Variants in NRARP observed in about 807,000 individuals in gnomAD.
NRARP encodes NOTCH regulated ankyrin repeat protein, also known as notch-regulated ankyrin repeat-containing protein.
For synonymous variants in NRARP, 81 were observed against 77.4 expected, an observed-to-expected ratio of 1.05 and a Z score of -0.25; for missense variants, 83 against 161.1, an observed-to-expected ratio of 0.52 and a Z score of 2.62.
rs1252111624 is a variant in NRARP at position 137,301,940 on chromosome 9, G to GCGCGGGC, written c.-19_-13dup. The GCGCGGGC allele has an allele frequency of 4.6e-6, 6 of 1,305,348 alleles. No individual in the cohort carries two copies. The highest frequency in any genetic ancestry group is 4.6e-5 in the African/African-American group (3 of 65,756). 80.9% of individuals were successfully genotyped at this position (1,305,348 alleles called of 1,614,324 possible). Reference sequence around the variant, plus strand: ...TCGGCCTGGCTCATGCTGCCGCCGGGCGCGGGCCGCGGGCCGGGCCGGGGC... The same window carrying GCGCGGGC: ...TCGGCCTGGCTCATGCTGCCGCCGGGCGCGGGCCGCGGGCCGCGGGCCGGGCCGGGGC... On this transcript the variant is annotated 5_prime_UTR_variant, in exon 1 of 1. Coordinates refer to ENST00000356628, the MANE Select transcript of NRARP (RefSeq NM_001004354.3). This position sits in a 1 kb window ranked among gnomAD's most constrained non-coding sequence, Gnocchi z 9.1.
In NRARP at chr9:137,301,579, G is replaced by A. The variant is rs1830955886; in HGVS notation, c.*5C>T. On this transcript the variant is annotated 3_prime_UTR_variant, in exon 1 of 1. Transcript: ENST00000356628. This position sits in a 1 kb window ranked among gnomAD's most constrained non-coding sequence, Gnocchi z 9.1. ...CAGGGCCGGGGTCCGGGGTCCCGGC[G>A]GGCATCACCGGCCGCTGGCCGCGTA... 1.3e-6 allele frequency: 2 copies of A among 1,541,264 alleles called. No individual in the cohort carries two copies. The highest frequency in any genetic ancestry group is 1.8e-6 in the Non-Finnish European group (2 of 1,139,978).
In NRARP at chr9:137,301,788, G is replaced by T; in HGVS notation, c.141C>A (p.Phe47Leu). The T allele has an allele frequency of 6.2e-7, 1 of 1,608,726 alleles. No individual in the cohort carries two copies. Among genetic ancestry groups the T allele is most frequent in the Non-Finnish European group, 8.5e-7 (1 of 1,179,626 alleles). Reference sequence around the variant, plus strand: ...GCAGCGCCGTCTGGCCCTCGGGCCCGAACGAGTTCACGTTGAACTCGCAGT... The same window carrying T: ...GCAGCGCCGTCTGGCCCTCGGGCCCTAACGAGTTCACGTTGAACTCGCAGT... The part of the protein sequence containing the change: ...MTNCEFNVNS[F>L]GPEGQTALHQ... The change falls in exon 1 of 1, where the codon TTC becomes TTA. Residue 47 changes from phenylalanine (F) to leucine (L), a missense_variant. Physicochemically the swap from Phe to Leu is conservative, Grantham distance 22 (BLOSUM62 0). Transcript: ENST00000356628. This position sits in a 1 kb window ranked among gnomAD's most constrained non-coding sequence, Gnocchi z 9.1.
Position 137,299,806 on chromosome 9 carries a change from T to G in NRARP, c.*1778A>C, listed in dbSNP as rs1720138479. Reference sequence around the variant, plus strand: ...GCTTCGATATAAGCCTAGAAAGTCTTAACATTAATTAACATAATTAAAAAG... The same window carrying G: ...GCTTCGATATAAGCCTAGAAAGTCTGAACATTAATTAACATAATTAAAAAG... On this transcript the variant is annotated 3_prime_UTR_variant, in exon 1 of 1. Transcript: ENST00000356628. Among the ~76,000 whole-genome samples, 1 of 152,148 alleles carries G rather than the reference T, an allele frequency of 6.6e-6. No homozygotes were observed. The highest frequency in any genetic ancestry group is 1.5e-5 in the Non-Finnish European group (1 of 68,030).
At position 137,301,908 on chromosome 9, in the gene NRARP, G is replaced by A; in HGVS notation, c.21C>T (p.Ser7=). 1 of 1,541,572 alleles carries A rather than the reference G, an allele frequency of 6.5e-7. No homozygotes were observed. Among genetic ancestry groups the A allele is most frequent in the Non-Finnish European group, 8.7e-7 (1 of 1,145,008 alleles). Residue 7 remains serine (S), a synonymous_variant, in exon 1 of 1, where the codon TCC becomes TCT. Transcript: ENST00000356628. This position sits in a 1 kb window ranked among gnomAD's most constrained non-coding sequence, Gnocchi z 9.1. ...GCTGCGTCTGCGGCGCGGAGCAGGT[G>A]GACAGCTCGGCCTGGCTCATGCTGC... MSQAEL[S]TCSAPQTQRI... is the part of the protein sequence containing the mutation.
At position 137,301,558 on chromosome 9, in the gene NRARP, G is replaced by GCCGGGGT. The variant is rs1564453579; in HGVS notation, c.*19_*25dup. 2.7e-6 allele frequency: 4 copies of GCCGGGGT among 1,504,826 alleles called. No individual in the cohort carries two copies. Among genetic ancestry groups the GCCGGGGT allele is most frequent in the Non-Finnish European group, 3.6e-6 (4 of 1,106,726 alleles). 93.2% of individuals were successfully genotyped at this position (1,504,826 alleles called of 1,614,324 possible). ...ACAGCAGAGACGACGCGGGCGCAGG[G>GCCGGGGT]CCGGGGTCCGGGGTCCCGGCGGGCA... On this transcript the variant is annotated 3_prime_UTR_variant, in exon 1 of 1. Transcript: ENST00000356628. This position sits in a 1 kb window ranked among gnomAD's most constrained non-coding sequence, Gnocchi z 9.1.
Position 137,301,490 on chromosome 9 carries a change from G to T in NRARP, c.*94C>A. ...GCCGTGGCCACGGGCCTTCTGGCGG[G>T]GCCTGCGAGCCGGGCGCGCACCGAG... On this transcript the variant is annotated 3_prime_UTR_variant, in exon 1 of 1. Transcript: ENST00000356628. The surrounding 1 kb of genome is among the most constrained non-coding windows in gnomAD (Gnocchi z 9.1). The T allele has an allele frequency of 1.2e-6, 1 of 836,606 alleles. No homozygotes were observed. The highest frequency in any genetic ancestry group is 1.7e-6 in the Non-Finnish European group (1 of 576,470). The allele number at this position is 836,606 out of a possible 1,614,324, so 51.8% of individuals were successfully genotyped here.
At position 137,301,599 on chromosome 9, in the gene NRARP, C is replaced by A; in HGVS notation, c.330G>T (p.Ala110=). ...VLYLITKAKY[A]ASGR Reference sequence around the variant, plus strand: ...CCGGCGGGCATCACCGGCCGCTGGCCGCGTACTTCGCCTTGGTGATGAGAT... The same window carrying A: ...CCGGCGGGCATCACCGGCCGCTGGCAGCGTACTTCGCCTTGGTGATGAGAT... Residue 110 remains alanine, a synonymous_variant, in exon 1 of 1, where the codon GCG becomes GCT. Coordinates refer to ENST00000356628, the MANE Select transcript of NRARP (RefSeq NM_001004354.3). The surrounding 1 kb of genome is among the most constrained non-coding windows in gnomAD (Gnocchi z 9.1). 6.3e-7 allele frequency: 1 copy of A among 1,577,804 alleles called. No homozygotes were observed. Among genetic ancestry groups the A allele is most frequent in the Non-Finnish European group, 8.6e-7 (1 of 1,158,678 alleles).
At position 137,301,924 on chromosome 9, in the gene NRARP, C is replaced by A; in HGVS notation, c.5G>T (p.Ser2Ile). The A allele has an allele frequency of 7.2e-7, 1 of 1,385,476 alleles. No homozygotes were observed. Among genetic ancestry groups the A allele is most frequent in the South Asian group, 1.6e-5 (1 of 61,656 alleles). The allele number at this position is 1,385,476 out of a possible 1,614,324, so 85.8% of individuals were successfully genotyped here. Reference sequence around the variant, plus strand: ...GGAGCAGGTGGACAGCTCGGCCTGGCTCATGCTGCCGCCGGGCGCGGGCCG... The same window carrying A: ...GGAGCAGGTGGACAGCTCGGCCTGGATCATGCTGCCGCCGGGCGCGGGCCG... M[S>I]QAELSTCSAP... Residue 2 changes from serine (S) to isoleucine (I), a missense_variant, in exon 1 of 1, where the codon AGC (serine) becomes ATC (isoleucine). Ser to Ile is a moderately radical substitution (Grantham distance 142). Coordinates refer to ENST00000356628, the MANE Select transcript of NRARP (RefSeq NM_001004354.3). The surrounding 1 kb of genome is among the most constrained non-coding windows in gnomAD (Gnocchi z 9.1).
At position 137,302,206 on chromosome 9, in the gene NRARP, G is replaced by T. The variant is rs1322953050; in HGVS notation, c.-278C>A. ...GGGACGGCGGCGCCGCGCGGTCCCGGTCCCTACTCGGTTCGGCTGCGGCTC... is the reference window on the plus strand; with the variant it reads ...GGGACGGCGGCGCCGCGCGGTCCCGTTCCCTACTCGGTTCGGCTGCGGCTC... On this transcript the variant is annotated 5_prime_UTR_variant, in exon 1 of 1. Transcript: ENST00000356628. The surrounding 1 kb of genome is among the most constrained non-coding windows in gnomAD (Gnocchi z 4.8). 1.4e-5 allele frequency: 2 copies of T among 146,254 alleles called. No homozygotes were observed. Among genetic ancestry groups the T allele is most frequent in the African/African-American group, 4.9e-5 (2 of 40,810 alleles). 9.1% of individuals were successfully genotyped at this position (146,254 alleles called of 1,614,324 possible). A position where few individuals can be genotyped will look rare whatever the true frequency, so the allele number is the denominator to read the frequency against.
Position 137,301,444 on chromosome 9 carries a change from C to T in NRARP, c.*140G>A. ...CGGCGGGGCTGCCGGACCCTGGGGC[C>T]GGGACGCACGCGCCGTATTCGCCGT... On this transcript the variant is annotated 3_prime_UTR_variant, in exon 1 of 1. Coordinates refer to ENST00000356628, the MANE Select transcript of NRARP (RefSeq NM_001004354.3). The surrounding 1 kb of genome is among the most constrained non-coding windows in gnomAD (Gnocchi z 9.1). 3.8e-6 allele frequency: 2 copies of T among 520,152 alleles called. No individual in the cohort carries two copies. The highest frequency in any genetic ancestry group is 7.8e-5 in the South Asian group (2 of 25,494). 32.2% of individuals were successfully genotyped at this position (520,152 alleles called of 1,614,324 possible). A position where few individuals can be genotyped will look rare whatever the true frequency, so the allele number is the denominator to read the frequency against.
At position 137,301,470 on chromosome 9, in the gene NRARP, G is replaced by A; in HGVS notation, c.*114C>T. On this transcript the variant is annotated 3_prime_UTR_variant, in exon 1 of 1. Transcript: ENST00000356628. The surrounding 1 kb of genome is among the most constrained non-coding windows in gnomAD (Gnocchi z 9.1). ...GGGACGCACGCGCCGTATTCGCCGTGGCCACGGGCCTTCTGGCGGGGCCTG... is the reference window on the plus strand; with the variant it reads ...GGGACGCACGCGCCGTATTCGCCGTAGCCACGGGCCTTCTGGCGGGGCCTG... The A allele has an allele frequency of 1.5e-6, 1 of 675,224 alleles. No homozygotes were observed. The highest frequency in any genetic ancestry group is 2.3e-6 in the Non-Finnish European group (1 of 440,264). The allele number at this position is 675,224 out of a possible 1,614,324, so 41.8% of individuals were successfully genotyped here.
rs1830964029 is a variant in NRARP, at chr9:137,302,226, C to G, written c.-298G>C. 1 of 146,464 alleles carries G rather than the reference C, an allele frequency of 6.8e-6. No homozygotes were observed. 9.1% of individuals were successfully genotyped at this position (146,464 alleles called of 1,614,324 possible). On this transcript the variant is annotated 5_prime_UTR_variant, in exon 1 of 1. Coordinates refer to ENST00000356628, the MANE Select transcript of NRARP (RefSeq NM_001004354.3). The surrounding 1 kb of genome is among the most constrained non-coding windows in gnomAD (Gnocchi z 4.8). Reference sequence around the variant, plus strand: ...TCCCGGTCCCTACTCGGTTCGGCTGCGGCTCCCACGCGGTCCCAAGGCGCC... The same window carrying G: ...TCCCGGTCCCTACTCGGTTCGGCTGGGGCTCCCACGCGGTCCCAAGGCGCC...
In NRARP at chr9:137,302,108, C is replaced by A. The variant is rs1830962066; in HGVS notation, c.-180G>T. 1 of 146,900 alleles carries A rather than the reference C, an allele frequency of 6.8e-6. No individual in the cohort carries two copies. The allele number at this position is 146,900 out of a possible 1,614,324, so 9.1% of individuals were successfully genotyped here. A position where few individuals can be genotyped will look rare whatever the true frequency, so the allele number is the denominator to read the frequency against. On this transcript the variant is annotated 5_prime_UTR_variant, in exon 1 of 1. Coordinates refer to ENST00000356628, the MANE Select transcript of NRARP (RefSeq NM_001004354.3). The surrounding 1 kb of genome is among the most constrained non-coding windows in gnomAD (Gnocchi z 4.8). The stretch of plus-strand genomic sequence containing the variant: ...GGGCCGGGGGTCGCCGCCGCGGGGA[C>A]CCCGCCGCATCCAGCCGCGCCCGGG...
In NRARP at chr9:137,301,547, G is replaced by A; in HGVS notation, c.*37C>T. ...GGCGGGAAGGTACAGCAGAGACGAC[G>A]CGGGCGCAGGGCCGGGGTCCGGGGT... On this transcript the variant is annotated 3_prime_UTR_variant, in exon 1 of 1. Transcript: ENST00000356628. The surrounding 1 kb of genome is among the most constrained non-coding windows in gnomAD (Gnocchi z 9.1). 3 of 1,434,106 alleles carry A rather than the reference G, an allele frequency of 2.1e-6. No individual in the cohort carries two copies. Among genetic ancestry groups the A allele is most frequent in the Non-Finnish European group, 2.9e-6 (3 of 1,052,092 alleles). The allele number at this position is 1,434,106 out of a possible 1,614,324, so 88.8% of individuals were successfully genotyped here. A position where few individuals can be genotyped will look rare whatever the true frequency, so the allele number is the denominator to read the frequency against.
rs1284409076 is a variant in NRARP at position 137,302,155 on chromosome 9, C to A, written c.-227G>T. 1.4e-5 allele frequency: 2 copies of A among 145,364 alleles called. No individual in the cohort carries two copies. Among genetic ancestry groups the A allele is most frequent in the African/African-American group, 4.9e-5 (2 of 40,602 alleles). 9.0% of individuals were successfully genotyped at this position (145,364 alleles called of 1,614,324 possible). A position where few individuals can be genotyped will look rare whatever the true frequency, so the allele number is the denominator to read the frequency against. On this transcript the variant is annotated 5_prime_UTR_variant, in exon 1 of 1. Coordinates refer to ENST00000356628, the MANE Select transcript of NRARP (RefSeq NM_001004354.3). The surrounding 1 kb of genome is among the most constrained non-coding windows in gnomAD (Gnocchi z 4.8). ...CGGGTGGGCGACGGGGGCGCGCGCT[C>A]GGCTCGCGGGGGCCGGGCCCGGCCG...
In NRARP at chr9:137,301,386, CGGGCCCGGCT is replaced by C. The variant is rs1830953174; in HGVS notation, c.*188_*197del. The C allele has an allele frequency of 1.1e-5, 3 of 264,920 alleles. No individual in the cohort carries two copies. Among genetic ancestry groups the C allele is most frequent in the African/African-American group, 4.5e-5 (2 of 44,360 alleles). The allele number at this position is 264,920 out of a possible 1,614,324, so 16.4% of individuals were successfully genotyped here. On this transcript the variant is annotated 3_prime_UTR_variant, in exon 1 of 1. Coordinates refer to ENST00000356628, the MANE Select transcript of NRARP (RefSeq NM_001004354.3). This position sits in a 1 kb window ranked among gnomAD's most constrained non-coding sequence, Gnocchi z 9.1. ...CCGTGGGAAGCTGCTCCGGCCCGGC[CGGGCCCGGCT>C]AGGCCGCAGGGAGGCGCTCGGCCGG...
Position 137,301,599 on chromosome 9 carries a change from C to T in NRARP, c.330G>A (p.Ala110=). Residue 110 remains alanine (A), a synonymous_variant, in exon 1 of 1, where the codon GCG becomes GCA. Transcript: ENST00000356628. This position sits in a 1 kb window ranked among gnomAD's most constrained non-coding sequence, Gnocchi z 9.1. ...VLYLITKAKY[A]ASGR ...CCGGCGGGCATCACCGGCCGCTGGC[C>T]GCGTACTTCGCCTTGGTGATGAGAT... 1.3e-6 allele frequency: 2 copies of T among 1,577,804 alleles called. No homozygotes were observed. The highest frequency in any genetic ancestry group is 1.7e-6 in the Non-Finnish European group (2 of 1,158,678).
In NRARP at chr9:137,299,713, C is replaced by T. The variant is rs186843781; in HGVS notation, c.*1871G>A. ...TTCACGCTGGGCTACAGGTCAATAT[C>T]GTACACTCAGGAATGTGCTGCACAA... is the stretch of plus-strand genomic sequence containing the variant. On this transcript the variant is annotated 3_prime_UTR_variant, in exon 1 of 1. Coordinates refer to ENST00000356628, the MANE Select transcript of NRARP (RefSeq NM_001004354.3). 3.3e-5 allele frequency among the ~76,000 whole-genome samples: 5 copies of T among 152,280 alleles called. No individual in the cohort carries two copies. The highest frequency in any genetic ancestry group is 7.4e-5 in the Non-Finnish European group (5 of 68,026).
At position 137,300,039 on chromosome 9, in the gene NRARP, A is replaced by C. The variant is rs1193737536; in HGVS notation, c.*1545T>G. Among the ~76,000 whole-genome samples, 4 of 152,202 alleles carry C rather than the reference A, an allele frequency of 2.6e-5. No individual in the cohort carries two copies. Reference sequence around the variant, plus strand: ...GTCCTCAAGTGCTCCCCATTTCTGCACGAAGGGTCAGCAGCACTTCCATGA... The same window carrying C: ...GTCCTCAAGTGCTCCCCATTTCTGCCCGAAGGGTCAGCAGCACTTCCATGA... On this transcript the variant is annotated 3_prime_UTR_variant, in exon 1 of 1. Coordinates refer to ENST00000356628, the MANE Select transcript of NRARP (RefSeq NM_001004354.3).
Sources: gnomAD v4.1 joint callset for allele counts (sites outside exome capture counted in the v4.1 genomes callset) on GRCh38, gnomAD v4.1.1 for gene constraint, Gnocchi (gnomAD v3.1) non-coding constraint, MANE v1.5 for transcripts, NCBI Gene and HGNC (gene_info 2026-07-23, HGNC 2026-07-21) for gene names.